The following ARHGEF7 variants were observed in gnomAD, a reference collection of about 807,000 sequenced individuals.
ARHGEF7 encodes PAK-interacting exchange factor beta.
Under a neutral mutation model 109.8 loss-of-function variants are expected in ARHGEF7, and 33 were observed. The observed-to-expected ratio is 0.30, with a 90% CI of 0.23 to 0.40. The LOEUF is 0.40. ARHGEF7 is among the 10% of genes least tolerant of loss of function. ARHGEF7 has a pLI of 1.00. For synonymous variants in ARHGEF7, 458 were observed against 424.6 expected (o/e 1.08, Z -0.97); for missense variants, 938 against 1,098.5 (o/e 0.85, Z 2.07).
Position 111,283,326 on chromosome 13 carries a change from C to T in ARHGEF7, c.1913C>T (p.Pro638Leu), listed in dbSNP as rs1179053301. ...PWSLSCLRPA[P>L]PLRPSAALCY... ...AGCCTGAGCTGCCTGCGGCCCGCGC[C>T]TCCCCTCCGGCCCTCAGCTGCTCTC... Residue 638 changes from proline to leucine, a missense_variant, in exon 16 of 22, where the codon CCT (proline) becomes CTT (leucine). This residue lies in a region of ARHGEF7 where 585 missense variants were observed against 723.6 expected (regional missense o/e 0.81). Coordinates refer to ENST00000646102, the MANE Select transcript of ARHGEF7 (RefSeq NM_001354046.2). 2 of 1,558,464 alleles carry T rather than the reference C, an allele frequency of 1.3e-6. No homozygotes were observed. Among genetic ancestry groups the T allele is most frequent in the Non-Finnish European group, 8.7e-7 (1 of 1,155,906 alleles).
intron 2 of ARHGEF7, among the ~76,000 whole-genome samples, chr13:111,181,051 T>C (rs1332277512): frequency 6.6e-6 from 1 of 152,208 alleles, no homozygotes; most frequent in Non-Finnish European, 1.5e-5. Context: ...ATGGCCACTT[T>C]AAAATTTGAG....
chr13:111,269,119 C>T (rs1423466221), intron 9 of ARHGEF7, among the ~76,000 whole-genome samples: 3 of 152,212 alleles, frequency 2.0e-5, no homozygotes, highest in South Asian at 2.1e-4. Flanking sequence ...CATCTCCAAG[C>T]GTCCAGCATG....
intron 18 of ARHGEF7, among the ~76,000 whole-genome samples, chr13:111,289,436 C>T (rs962117276): frequency 6.6e-6 from 1 of 152,212 alleles, no homozygotes; most frequent in African/African-American, 2.4e-5. Context: ...CTGCTGGCAT[C>T]TGCGTGCCCA....
Position 111,267,536 on chromosome 13 carries a change from G to A in ARHGEF7, c.951-12G>A, listed in dbSNP as rs752316007. On this transcript the variant is annotated splice_polypyrimidine_tract_variant and intron_variant, in intron 8 of 21. Coordinates refer to ENST00000646102, the MANE Select transcript of ARHGEF7 (RefSeq NM_001354046.2). ...ACTGATGACTATTTCCCTTTGTGTC[G>A]CATTTCTCCAGGTTGCCCGAAGCTC... The A allele has an allele frequency of 5.6e-6, 9 of 1,613,110 alleles. No homozygotes were observed. The highest frequency in any genetic ancestry group is 4.5e-5 in the East Asian group (2 of 44,832).
chr13:111,275,511 GTGT>G lies in ARHGEF7; in HGVS notation c.1273-16_1273-14del. ...TTCTGAAAGTTTATGTCTGTTAACA[GTGT>G]TGTTCTGTGTCTGTCAGGCCCAATG... On this transcript the variant is annotated intron_variant, in intron 11 of 21. Coordinates refer to ENST00000646102, the MANE Select transcript of ARHGEF7 (RefSeq NM_001354046.2). The G allele has an allele frequency of 8.1e-6, 13 of 1,613,258 alleles. No individual in the cohort carries two copies. The highest frequency in any genetic ancestry group is 1.0e-5 in the Non-Finnish European group (12 of 1,179,802).
At chr13:111,136,317 A>G (rs994254645) in intron 1 of ARHGEF7, among the ~76,000 whole-genome samples, 7 of 152,230 alleles carry the variant, frequency 4.6e-5, no homozygotes, top group African/African-American at 1.7e-4. Context: ...CATCACACCT[A>G]TTCCAAAATT....
intron 1 of ARHGEF7, among the ~76,000 whole-genome samples, chr13:111,124,762 G>T (rs1032801851): frequency 3.4e-5 from 5 of 147,332 alleles, no homozygotes; most frequent in Admixed American, 2.7e-4. Flanking sequence ...AGTTTTTTTT[G>T]TTTTGTTTTG....
chr13:111,179,109 T>G (rs1181414885), intron 2 of ARHGEF7, among the ~76,000 whole-genome samples: 2 of 151,700 alleles, frequency 1.3e-5, no homozygotes, highest in Admixed American at 1.3e-4. Flanking sequence ...GACAGAATCT[T>G]GCTTTGTCAC....
chr13:111,252,080 G>A (rs1365758842), intron 8 of ARHGEF7, among the ~76,000 whole-genome samples: 1 of 152,216 alleles, frequency 6.6e-6, no homozygotes, highest in Non-Finnish European at 1.5e-5. Context: ...GGTGCAGCGG[G>A]TGATTTGCTT....
intron 5 of ARHGEF7, among the ~76,000 whole-genome samples, chr13:111,229,317 G>A (rs562430468): frequency 5.3e-5 from 8 of 152,100 alleles, no homozygotes; most frequent in South Asian, 4.2e-4. Flanking sequence ...TCTACTTTGC[G>A]TATCTGTTTG....
chr13:111,161,974 T>A (rs140548761), intron 2 of ARHGEF7, among the ~76,000 whole-genome samples: 110 of 152,354 alleles, frequency 7.2e-4, no homozygotes, highest in Middle Eastern at 3.4e-3. Context: ...AACAGTGGAC[T>A]GTGCAATGGA....
chr13:111,278,415 G>C (rs530296419), intron 13 of ARHGEF7, among the ~76,000 whole-genome samples: 1 of 152,136 alleles, frequency 6.6e-6, no homozygotes, highest in African/African-American at 2.4e-5. Flanking sequence ...CCGCCACTTC[G>C]TGTTCTCTGG....
chr13:111,140,580 G>C (rs1260715166), intron 1 of ARHGEF7, among the ~76,000 whole-genome samples: 1 of 152,214 alleles, frequency 6.6e-6, no homozygotes, highest in Admixed American at 6.5e-5. Context: ...TGAGAGTGGG[G>C]AGGGTGGTAG....
chr13:111,301,247 C>T (rs2153636798), intron 20 of ARHGEF7, among the ~76,000 whole-genome samples: 1 of 152,306 alleles, frequency 6.6e-6, no homozygotes, highest in South Asian at 2.1e-4. Flanking sequence ...CTGTGCCTGG[C>T]CAGAGCTTCA....
intron 19 of ARHGEF7, chr13:111,295,110 G>A (rs536953390): frequency 2.9e-5 from 28 of 982,394 alleles, no homozygotes; most frequent in African/African-American, 7.0e-5. Context: ...ATTATTGTTT[G>A]TGGTTGCATA....
At chr13:111,253,493 T>G (rs895057658) in intron 8 of ARHGEF7, among the ~76,000 whole-genome samples, 2 of 152,202 alleles carry the variant, frequency 1.3e-5, no homozygotes, top group African/African-American at 2.4e-5. Flanking sequence ...CTCAGTGGTG[T>G]TGTAATACTT....
At chr13:111,232,621 TCAGGA>T (rs2086248169) in intron 5 of ARHGEF7, among the ~76,000 whole-genome samples, 1 of 152,152 alleles carries the variant, frequency 6.6e-6, no homozygotes, top group Non-Finnish European at 1.5e-5. Context: ...CTTGCTGGAG[TCAGGA>T]CTGCTTTAAT....
At chr13:111,207,515 C>T (rs9515391) in intron 3 of ARHGEF7, among the ~76,000 whole-genome samples, 46,886 of 152,152 alleles carry the variant, frequency 0.31, 8,305 homozygotes, top group Non-Finnish European at 0.4. Flanking sequence ...GCAGATGGGG[C>T]AATAGCACAG....
intron 1 of ARHGEF7, among the ~76,000 whole-genome samples, chr13:111,148,647 C>T (rs919152238): frequency 1.3e-5 from 2 of 152,190 alleles, no homozygotes; most frequent in Non-Finnish European, 2.9e-5. Context: ...TACAGAAAGG[C>T]AGACTTTGCA....
Sources: gnomAD v4.1 joint callset for allele counts (sites outside exome capture counted in the v4.1 genomes callset) on GRCh38, gnomAD v4.1.1 for gene constraint, gnomAD v4.1.1 regional missense constraint, MANE v1.5 for transcripts, NCBI Gene and HGNC (gene_info 2026-07-23, HGNC 2026-07-21) for gene names.